The following TMEM163 variants were observed in gnomAD, a reference collection of about 807,000 sequenced individuals.
The protein encoded by TMEM163 is transmembrane protein 163.
In TMEM163, 17 loss-of-function variants were observed where a neutral mutation model predicts 29.3. That is an observed-to-expected ratio of 0.58 (90% CI 0.40 to 0.87). The LOEUF (loss-of-function observed/expected upper bound fraction) is 0.87, where lower values mean the gene tolerates loss of function less well. TMEM163 is among the 40% of genes least tolerant of loss of function. TMEM163 has a pLI of 0.00. For missense variants in TMEM163, 303 were observed against 381.5 expected, an observed-to-expected ratio of 0.79 and a Z score of 1.71; for synonymous variants, 157 against 160.6, an observed-to-expected ratio of 0.98 and a Z score of 0.17.
chr2:134,464,851 CT>C (rs1686627744), intron 6 of TMEM163, among the ~76,000 whole-genome samples: 1 of 152,192 alleles, frequency 6.6e-6, no homozygotes, highest in Non-Finnish European at 1.5e-5. Flanking sequence ...GTCACTTTGG[CT>C]TCCCATGTCC....
intron 2 of TMEM163, 84 bp downstream of exon 2, chr2:134,713,116 A>T: frequency 6.4e-7 from 1 of 1,552,112 alleles, no homozygotes; most frequent in Non-Finnish European, 8.6e-7. Flanking sequence ...TAGTCAACTA[A>T]AAGCAAAAGC....
intron 2 of TMEM163, among the ~76,000 whole-genome samples, chr2:134,701,213 T>A (rs893699916): frequency 4.0e-5 from 6 of 149,964 alleles, no homozygotes; most frequent in African/African-American, 1.5e-4. Context: ...AGAGTGAATT[T>A]AAAAAAAAAG....
chr2:134,677,387 G>A (rs557124230), intron 2 of TMEM163, among the ~76,000 whole-genome samples: 4 of 152,254 alleles, frequency 2.6e-5, no homozygotes, highest in South Asian at 2.1e-4. Context: ...ATCCACACAC[G>A]AAAAGGCATG....
chr2:134,477,054 C>T (rs1686933423), intron 5 of TMEM163, among the ~76,000 whole-genome samples: 1 of 152,214 alleles, frequency 6.6e-6, no homozygotes, highest in South Asian at 2.1e-4. Context: ...CTACGTTTAG[C>T]ACTTGCTGCA....
At chr2:134,567,208 C>A (rs996306659) in intron 2 of TMEM163, among the ~76,000 whole-genome samples, 2 of 152,138 alleles carry the variant, frequency 1.3e-5, no homozygotes, top group African/African-American at 4.8e-5. Context: ...GCAGCCAAAC[C>A]ACTTTCCACA....
chr2:134,596,939 C>G (rs553789076), intron 2 of TMEM163, among the ~76,000 whole-genome samples: 1 of 152,298 alleles, frequency 6.6e-6, no homozygotes, highest in South Asian at 2.1e-4. Flanking sequence ...TATAAGAATA[C>G]TTGTGATTTT....
chr2:134,676,493 T>TATTTATATGTATAA (rs1376334627), intron 2 of TMEM163, among the ~76,000 whole-genome samples: 4 of 152,220 alleles, frequency 2.6e-5, no homozygotes, highest in Non-Finnish European at 5.9e-5. Flanking sequence ...TTAACATCTT[T>TATTTATATGTATAA]ATTGATATAC....
intron 4 of TMEM163, among the ~76,000 whole-genome samples, chr2:134,517,745 G>A (rs1362916538): frequency 6.6e-6 from 1 of 152,190 alleles, no homozygotes; most frequent in African/African-American, 2.4e-5. Context: ...TCTAGATGGA[G>A]CAATGGGAAT....
At chr2:134,707,276 T>A (rs1684835777) in intron 2 of TMEM163, among the ~76,000 whole-genome samples, 1 of 152,104 alleles carries the variant, frequency 6.6e-6, no homozygotes, top group Non-Finnish European at 1.5e-5. Context: ...CCAGCAAGGA[T>A]TAGATGCCAC....
chr2:134,594,705 TCAG>T (rs1682022922), intron 2 of TMEM163, among the ~76,000 whole-genome samples: 1 of 152,220 alleles, frequency 6.6e-6, no homozygotes, highest in Non-Finnish European at 1.5e-5. Context: ...CTTTAGATGA[TCAG>T]CAAGTAAATA....
rs1686399582 is a variant in TMEM163 at position 134,456,539 on chromosome 2, G to A, written c.*177C>T. ...GCATTGTCCCAACATGTTTGATGGG[G>A]GCGGCAGGTGATGGGGGCAAGGTAG... On this transcript the variant is annotated 3_prime_UTR_variant, in exon 8 of 8. Coordinates refer to ENST00000281924, the MANE Select transcript of TMEM163 (RefSeq NM_030923.5). 8.9e-6 allele frequency: 6 copies of A among 677,688 alleles called. No homozygotes were observed. In the Admixed American group the frequency reaches 8.9e-5, roughly 10 times the overall value. 42.0% of individuals were successfully genotyped at this position (677,688 alleles called of 1,614,324 possible). A position where few individuals can be genotyped will look rare whatever the true frequency, so the allele number is the denominator to read the frequency against.
At chr2:134,475,297 G>C (rs1243791564) in intron 5 of TMEM163, among the ~76,000 whole-genome samples, 2 of 152,062 alleles carry the variant, frequency 1.3e-5, no homozygotes, top group African/African-American at 4.8e-5. Context: ...AACAGCACTA[G>C]AACAATTGGA....
intron 2 of TMEM163, among the ~76,000 whole-genome samples, chr2:134,710,253 C>T (rs1684898238): frequency 2.0e-5 from 3 of 152,306 alleles, no homozygotes; most frequent in African/African-American, 7.2e-5. Flanking sequence ...CTTTTGGGTT[C>T]ACAACCTACA....
At chr2:134,579,528 G>A (rs550421075) in intron 2 of TMEM163, among the ~76,000 whole-genome samples, 29 of 152,234 alleles carry the variant, frequency 1.9e-4, no homozygotes, top group African/African-American at 5.3e-4. Context: ...ATTCACCTAC[G>A]TCCTGAATGT....
chr2:134,531,792 T>G (rs1680422051), intron 4 of TMEM163, among the ~76,000 whole-genome samples: 2 of 152,172 alleles, frequency 1.3e-5, no homozygotes, highest in Admixed American at 1.3e-4. Context: ...GAGGCTTCTT[T>G]GTGTAGGCAT....
At chr2:134,635,695 A>G (rs1683089200) in intron 2 of TMEM163, among the ~76,000 whole-genome samples, 1 of 152,336 alleles carries the variant, frequency 6.6e-6, no homozygotes, top group African/African-American at 2.4e-5. Context: ...GGAAACCCAG[A>G]CACAGATAAA....
intron 2 of TMEM163, among the ~76,000 whole-genome samples, chr2:134,599,741 C>T (rs146949410): frequency 1.3e-5 from 2 of 150,530 alleles, no homozygotes; most frequent in East Asian, 1.9e-4. Context: ...CCATGTTGCC[C>T]GGGCTGGTCT....
chr2:134,512,746 T>C (rs1278113858), intron 4 of TMEM163, among the ~76,000 whole-genome samples: 1 of 152,176 alleles, frequency 6.6e-6, no homozygotes. Flanking sequence ...AGGCAGATCA[T>C]ATAAGGTCTT....
intron 4 of TMEM163, among the ~76,000 whole-genome samples, chr2:134,508,497 G>A (rs565078682): frequency 2.0e-5 from 3 of 152,244 alleles, no homozygotes; most frequent in South Asian, 4.1e-4. Context: ...CTTTCTCTCC[G>A]TGTGTTCTGA....
Sources: allele counts gnomAD v4.1 joint callset (sites outside exome capture counted in the v4.1 genomes callset), GRCh38; gene constraint gnomAD v4.1.1; transcripts MANE v1.5; gene names NCBI Gene and HGNC (gene_info 2026-07-23, HGNC 2026-07-21).